The following AGAP4 variants were observed in gnomAD, a reference collection of about 807,000 sequenced individuals.
AGAP4 encodes the protein arf-GAP with GTPase, ANK repeat and PH domain-containing protein 4.
In AGAP4, 13 loss-of-function variants were observed where a neutral mutation model predicts 60.7. That is an observed-to-expected ratio of 0.21 (90% CI 0.14 to 0.34). The LOEUF (loss-of-function observed/expected upper bound fraction) is 0.34. AGAP4 is among the 10% of genes least tolerant of loss of function. The pLI, the probability that AGAP4 is intolerant of heterozygous loss-of-function variation, is 1.00. For missense variants in AGAP4, 169 were observed against 884.0 expected, an observed-to-expected ratio of 0.19 and a Z score of 10.26; for synonymous variants, 70 against 339.0, an observed-to-expected ratio of 0.21 and a Z score of 8.72.
chr10:45,849,453 T>A (rs1422254279), upstream of AGAP4, among the ~76,000 whole-genome samples: 4 of 135,330 alleles, frequency 3.0e-5, no homozygotes, highest in African/African-American at 1.1e-4. Context: ...GGAAATGACA[T>A]TGTAGATGAT....
At chr10:45,832,049 A>G (rs2058740784) in intron 5 of AGAP4, among the ~76,000 whole-genome samples, 2 of 132,558 alleles carry the variant, frequency 1.5e-5, no homozygotes, top group African/African-American at 5.6e-5. Flanking sequence ...GGCTGGGATT[A>G]CAGGCATGTG....
At chr10:45,851,180 A>C (rs1432429354), upstream of AGAP4, among the ~76,000 whole-genome samples, 1 of 152,006 alleles carries the variant, frequency 6.6e-6, no homozygotes, top group Non-Finnish European at 1.5e-5. Flanking sequence ...CTGCCCTGAG[A>C]AGCTGTGTAT....
upstream of AGAP4, among the ~76,000 whole-genome samples, chr10:45,849,473 G>GATGATTATTATTATT (rs1554900083): frequency 4.8e-5 from 7 of 145,110 alleles, no homozygotes; most frequent in South Asian, 2.2e-4. Context: ...TGATGATGAT[G>GATGATTATTATTATT]ATTATTATTA....
At chr10:45,853,426 G>T (rs1265603685) in intron 1 of AGAP4, among the ~76,000 whole-genome samples, 1 of 151,178 alleles carries the variant, frequency 6.6e-6, no homozygotes, top group Admixed American at 6.6e-5. Context: ...GTTATTAGGT[G>T]CCTGTAGACT....
At chr10:45,831,241 G>C (rs1472172184) in intron 6 of AGAP4, among the ~76,000 whole-genome samples, 153 bp downstream of exon 6, 201 of 135,256 alleles carry the variant, frequency 1.5e-3, no homozygotes, top group African/African-American at 5.3e-3. Flanking sequence ...AATTATGAGA[G>C]TCTTAAGGAA....
rs2058728975 is a variant in AGAP4 at position 45,831,337 on chromosome 10, T to G, written c.533+57A>C. The stretch of plus-strand genomic sequence containing the variant: ...CTAGAGCTGTGACCTAACACTGAGC[T>G]TGATATCTTGCAAAGTACTTAGCTA... On this transcript the variant is annotated intron_variant, in intron 6 of 7. Coordinates refer to ENST00000616763, the MANE Select transcript of AGAP4 (RefSeq NM_001276343.3). 1.2e-5 allele frequency: 18 copies of G among 1,557,872 alleles called. 2 individuals are homozygous for G. The highest frequency in any genetic ancestry group is 1.7e-5 in the Admixed American group (1 of 58,682).
At chr10:45,843,972 T>A (rs1463024239) in intron 3 of AGAP4, among the ~76,000 whole-genome samples, 1 of 149,918 alleles carries the variant, frequency 6.7e-6, no homozygotes, top group Non-Finnish European at 1.5e-5. Flanking sequence ...ATCATTCATC[T>A]TTAAAATGTA....
At chr10:45,830,778 C>A (rs1454513970) in intron 6 of AGAP4, among the ~76,000 whole-genome samples, 1 of 127,460 alleles carries the variant, frequency 7.8e-6, no homozygotes, top group Non-Finnish European at 1.7e-5. Context: ...AGCCACCGTG[C>A]CCAACCTCTT....
chr10:45,845,537 T>A lies in AGAP4; in HGVS notation c.293-1143A>T, dbSNP rs1443272800. 1.8e-5 allele frequency among the ~76,000 whole-genome samples: 2 copies of A among 113,936 alleles called. 1 individual carries two copies. The highest frequency in any genetic ancestry group is 3.9e-5 in the Non-Finnish European group (2 of 51,896). 74.7% of individuals were successfully genotyped at this position (113,936 alleles called of 152,430 possible). A position where few individuals can be genotyped will look rare whatever the true frequency, so the allele number is the denominator to read the frequency against. On this transcript the variant is annotated intron_variant, in intron 2 of 7. Transcript: ENST00000616763. ...AGAGGCAAACGAACTAATTGTTTTCTCTTTTCTACCGGCTCCCATCCCCTG... is the reference window on the plus strand; with the variant it reads ...AGAGGCAAACGAACTAATTGTTTTCACTTTTCTACCGGCTCCCATCCCCTG...
chr10:45,830,209 G>C (rs1363576948), intron 6 of AGAP4, among the ~76,000 whole-genome samples: 3 of 148,066 alleles, frequency 2.0e-5, no homozygotes, highest in African/African-American at 7.4e-5. Context: ...GTCGCTCTCT[G>C]TCACCCAGGC....
upstream of AGAP4, chr10:45,847,528 G>C: frequency 2.0e-6 from 3 of 1,495,372 alleles, no homozygotes; most frequent in Non-Finnish European, 2.6e-6. Context: ...CCCGGCCCCG[G>C]CTAGGGCTGC....
At position 45,844,398 on chromosome 10, in the gene AGAP4, T is replaced by C. The variant is rs1297303076; in HGVS notation, c.293-4A>G. Reference sequence around the variant, plus strand: ...GCAGAAGGGTTAAACTCCAAAGCTATATGCATAGAGGAAGAAAAGAAAAAA... The same window carrying C: ...GCAGAAGGGTTAAACTCCAAAGCTACATGCATAGAGGAAGAAAAGAAAAAA... On this transcript the variant is annotated splice_region_variant and splice_polypyrimidine_tract_variant and intron_variant, in intron 2 of 7. Transcript: ENST00000616763. The C allele has an allele frequency of 8.8e-6, 14 of 1,594,082 alleles. No homozygotes were observed. Among genetic ancestry groups the C allele is most frequent in the Admixed American group, 1.7e-5 (1 of 59,528 alleles).
At chr10:45,850,897 G>C (rs1327950843), upstream of AGAP4, among the ~76,000 whole-genome samples, 160 of 152,158 alleles carry the variant, frequency 1.1e-3, 1 homozygote, top group Admixed American at 8.8e-3. Flanking sequence ...TGTAGGCTAA[G>C]TCCATTTGTG....
At chr10:45,835,886 G>A (rs1437900135) in intron 4 of AGAP4, among the ~76,000 whole-genome samples, 2 of 151,058 alleles carry the variant, frequency 1.3e-5, no homozygotes, top group South Asian at 2.1e-4. Context: ...ACTCTTTATA[G>A]GTATTATTTA....
chr10:45,847,223 C>G lies in AGAP4; in HGVS notation c.125G>C (p.Gly42Ala). 6.3e-7 allele frequency: 1 copy of G among 1,578,218 alleles called. No individual in the cohort carries two copies. The highest frequency in any genetic ancestry group is 2.3e-5 in the East Asian group (1 of 43,538). ...YEAGAGDRMA[G>A]APMAAAVQPA... Reference sequence around the variant, plus strand: ...CTGTACAGCAGCAGCCATGGGCGCTCCTGCCATCCTGTCCCCAGCTCCTGC... The same window carrying G: ...CTGTACAGCAGCAGCCATGGGCGCTGCTGCCATCCTGTCCCCAGCTCCTGC... Residue 42 changes from glycine (G) to alanine (A), a missense_variant, in exon 1 of 8, where the codon GGA becomes GCA. Transcript: ENST00000616763.
chr10:45,851,300 C>G (rs1399657415), upstream of AGAP4, among the ~76,000 whole-genome samples: 45 of 152,066 alleles, frequency 3.0e-4, no homozygotes, highest in African/African-American at 1.0e-3. Context: ...GCATATGAAT[C>G]AGGAATGGCT....
upstream of AGAP4, among the ~76,000 whole-genome samples, chr10:45,848,461 T>C (rs2059034822): frequency 6.7e-6 from 1 of 148,172 alleles, no homozygotes; most frequent in Non-Finnish European, 1.5e-5. Context: ...CCTATTTCAA[T>C]AAAGATGAAT....
upstream of AGAP4, among the ~76,000 whole-genome samples, chr10:45,850,977 T>C (rs1434001668): frequency 6.6e-6 from 1 of 152,050 alleles, no homozygotes; most frequent in Non-Finnish European, 1.5e-5. Context: ...CTGGGGAAAT[T>C]TCCTAAAATT....
chr10:45,848,741 T>C (rs2059039458), upstream of AGAP4: 1 of 152,378 alleles, frequency 6.6e-6, no homozygotes. Context: ...GGTTGGGTAA[T>C]TTTTAAAGGA....
Sources: allele counts gnomAD v4.1 joint callset (sites outside exome capture counted in the v4.1 genomes callset), GRCh38; gene constraint gnomAD v4.1.1; transcripts MANE v1.5; gene names NCBI Gene and HGNC (gene_info 2026-07-23, HGNC 2026-07-21).